BLOC1S5: variants seen among roughly 807,000 people sequenced by gnomAD.
The protein encoded by BLOC1S5 is biogenesis of lysosomal organelles complex 1 subunit 5.
BLOC1S5 carries 27 observed loss-of-function variants against 24.3 expected under a neutral mutation model. The observed-to-expected ratio is 1.11, with a 90% CI of 0.82 to 1.53. BLOC1S5 has a LOEUF of 1.53. Ranked by LOEUF, BLOC1S5 falls within the 40% of genes most tolerant of loss-of-function variation. The pLI, the probability that BLOC1S5 is intolerant of heterozygous loss-of-function variation, is 0.00. For synonymous variants in BLOC1S5, 84 were observed against 74.5 expected (o/e 1.13, Z -0.66); for missense variants, 239 against 229.4 (o/e 1.04, Z -0.27).
chr6:8,050,284 C>T (rs1013660854), intron 2 of BLOC1S5, among the ~76,000 whole-genome samples: 8 of 152,158 alleles, frequency 5.3e-5, no homozygotes, highest in Non-Finnish European at 8.8e-5. Flanking sequence ...TGGGGCGCCA[C>T]AAACCACAAT....
chr6:8,031,980 A>C (rs1763314614), intron 3 of BLOC1S5, among the ~76,000 whole-genome samples: 1 of 152,262 alleles, frequency 6.6e-6, no homozygotes, highest in Non-Finnish European at 1.5e-5. Flanking sequence ...AAGATGGATC[A>C]AAGACATAAA....
intron 2 of BLOC1S5, among the ~76,000 whole-genome samples, chr6:8,043,258 A>T (rs1763753318): frequency 6.6e-6 from 1 of 152,196 alleles, no homozygotes; most frequent in Admixed American, 6.5e-5. Context: ...AGGGAAAGGG[A>T]AAAATATTAA....
At chr6:8,037,515 G>A (rs1763527611) in intron 3 of BLOC1S5, among the ~76,000 whole-genome samples, 1 of 152,110 alleles carries the variant, frequency 6.6e-6, no homozygotes, top group Non-Finnish European at 1.5e-5. Flanking sequence ...CTCTGTAACT[G>A]GAAGAATGCC....
chr6:8,053,756 A>C (rs961527811), intron 2 of BLOC1S5, among the ~76,000 whole-genome samples: 3 of 152,274 alleles, frequency 2.0e-5, no homozygotes, highest in African/African-American at 4.8e-5. Flanking sequence ...CGTGATATAG[A>C]CTTTTCTTAT....
rs1467133981 is a variant in BLOC1S5, at chr6:8,045,121, C to T, written c.196-3853G>A. ...GTGGTTTGTGGGCTAGGTCCATGGC[C>T]TCCATGCTGTGTGCAGCCTAGGGAC... On this transcript the variant is annotated intron_variant, in intron 2 of 4. Transcript: ENST00000397457. Among the ~76,000 whole-genome samples the T allele has an allele frequency of 3.3e-5, 5 of 152,206 alleles. No homozygotes were observed. In the East Asian group the frequency reaches 7.7e-4, roughly 23 times the overall value.
intron 4 of BLOC1S5, among the ~76,000 whole-genome samples, chr6:8,018,815 A>G (rs1253841727): frequency 6.6e-6 from 1 of 152,206 alleles, no homozygotes; most frequent in Admixed American, 6.5e-5. Context: ...TCCCCTTGCC[A>G]TTTCAGTTTC....
intron 2 of BLOC1S5, among the ~76,000 whole-genome samples, chr6:8,058,518 T>A (rs1281665378): frequency 6.9e-6 from 1 of 144,720 alleles, no homozygotes; most frequent in Non-Finnish European, 1.6e-5. Flanking sequence ...CAAACACAAG[T>A]AAGAACAGAG....
At chr6:8,049,096 T>G (rs1764015809) in intron 2 of BLOC1S5, among the ~76,000 whole-genome samples, 1 of 137,242 alleles carries the variant, frequency 7.3e-6, no homozygotes, top group African/African-American at 2.7e-5. Context: ...AGAGGCCAGG[T>G]ACAGTGGTTC....
intron 3 of BLOC1S5, among the ~76,000 whole-genome samples, chr6:8,035,748 T>C (rs1763465250): frequency 6.6e-6 from 1 of 152,082 alleles, no homozygotes; most frequent in African/African-American, 2.4e-5. Context: ...CAGGAAACAT[T>C]AATAGATCTA....
chr6:8,021,987 G>A (rs973245305), intron 4 of BLOC1S5, among the ~76,000 whole-genome samples: 1 of 151,994 alleles, frequency 6.6e-6, no homozygotes, highest in East Asian at 1.9e-4. Flanking sequence ...ACGCATGCAG[G>A]CACACACTCA....
At chr6:8,036,136 G>C (rs927321385) in intron 3 of BLOC1S5, among the ~76,000 whole-genome samples, 6 of 152,056 alleles carry the variant, frequency 3.9e-5, no homozygotes, top group African/African-American at 7.2e-5. Flanking sequence ...AGTCAGGGAA[G>C]AAATTAAGAA....
intron 2 of BLOC1S5, among the ~76,000 whole-genome samples, chr6:8,046,625 T>G (rs980988281): frequency 6.6e-6 from 1 of 150,766 alleles, no homozygotes; most frequent in Non-Finnish European, 1.5e-5. Context: ...AACTCTCATA[T>G]ACTCCAAGCT....
rs370308179 is a variant in BLOC1S5 at position 8,034,477 on chromosome 6, G to A, written c.325+6662C>T. Among the ~76,000 whole-genome samples, 20 of 152,278 alleles carry A rather than the reference G, an allele frequency of 1.3e-4. 1 individual carries two copies. In the East Asian group the frequency reaches 3.3e-3, roughly 25 times the overall value. ...GGAACATCACATGCTGGGGCCTGTC[G>A]GCGGGTGGAGGGCTGGGGAAGGGAT... On this transcript the variant is annotated intron_variant, in intron 3 of 4. Coordinates refer to ENST00000397457, the MANE Select transcript of BLOC1S5 (RefSeq NM_201280.3).
intron 2 of BLOC1S5, among the ~76,000 whole-genome samples, chr6:8,045,097 T>G (rs1200990473): frequency 1.3e-5 from 2 of 151,824 alleles, no homozygotes; most frequent in African/African-American, 4.8e-5. Context: ...GGGTAAAAAG[T>G]GGTTTGTGGG....
intron 3 of BLOC1S5, among the ~76,000 whole-genome samples, chr6:8,029,132 G>A (rs747457241): frequency 2.6e-5 from 4 of 151,614 alleles, no homozygotes; most frequent in African/African-American, 4.9e-5. Context: ...AAATACACAC[G>A]TAAGAAAATA....
At chr6:8,034,289 C>T (rs1220049865) in intron 3 of BLOC1S5, among the ~76,000 whole-genome samples, 1 of 152,202 alleles carries the variant, frequency 6.6e-6, no homozygotes, top group African/African-American at 2.4e-5. Flanking sequence ...CTATGGAATA[C>T]TATGCAGCCA....
chr6:8,033,845 A>G (rs1385343558), intron 3 of BLOC1S5, among the ~76,000 whole-genome samples: 1 of 152,258 alleles, frequency 6.6e-6, no homozygotes, highest in South Asian at 2.1e-4. Flanking sequence ...TCTCAAAAGA[A>G]GACATCTGTG....
intron 4 of BLOC1S5, 89 bp downstream of exon 4, chr6:8,026,277 TC>T: frequency 9.5e-7 from 1 of 1,051,308 alleles, no homozygotes; most frequent in Non-Finnish European, 1.4e-6. Context: ...CTCACTGCAT[TC>T]AGAGAATTTT....
intron 2 of BLOC1S5, among the ~76,000 whole-genome samples, chr6:8,060,894 G>A (rs1446156700): frequency 6.6e-6 from 1 of 151,936 alleles, no homozygotes; most frequent in East Asian, 1.9e-4. Flanking sequence ...GCGCGTTCTC[G>A]GCTCACTGCA....
Sources: allele counts gnomAD v4.1 joint callset (sites outside exome capture counted in the v4.1 genomes callset), GRCh38; gene constraint gnomAD v4.1.1; transcripts MANE v1.5; gene names NCBI Gene and HGNC (gene_info 2026-07-23, HGNC 2026-07-21).